The following WDPCP variants were observed in gnomAD, a reference collection of about 807,000 sequenced individuals.
WDPCP encodes the protein WD repeat-containing and planar cell polarity effector protein fritz homolog.
A neutral mutation model predicts 93.1 loss-of-function variants in WDPCP; 71 were observed. That is an observed-to-expected ratio of 0.76 (90% CI 0.63 to 0.93). The LOEUF (loss-of-function observed/expected upper bound fraction) is 0.93, where lower values mean the gene tolerates loss of function less well. WDPCP is among the 40% of genes least tolerant of loss of function. WDPCP has a pLI of 0.00. For synonymous variants in WDPCP, 315 were observed against 315.0 expected (o/e 1.00, Z 0.00); for missense variants, 844 against 887.4 (o/e 0.95, Z 0.62).
chr2:63,239,954 C>T (rs560152877), intron 14 of WDPCP, among the ~76,000 whole-genome samples: 21 of 152,080 alleles, frequency 1.4e-4, no homozygotes, highest in African/African-American at 5.1e-4. Flanking sequence ...ATGATTTTTT[C>T]ACAGAGTTAT....
chr2:63,125,900 C>G (rs192595775), intron 17 of WDPCP, among the ~76,000 whole-genome samples: 1 of 146,288 alleles, frequency 6.8e-6, no homozygotes, highest in Non-Finnish European at 1.5e-5. Flanking sequence ...CGTGAGCCAC[C>G]TCGCCAGGCT....
At chr2:63,332,346 A>G (rs1688039898) in intron 12 of WDPCP, among the ~76,000 whole-genome samples, 1 of 152,096 alleles carries the variant, frequency 6.6e-6, no homozygotes, top group African/African-American at 2.4e-5. Context: ...CATCTTATAT[A>G]TCCAAGAGCA....
intron 2 of WDPCP, among the ~76,000 whole-genome samples, chr2:63,722,074 C>G (rs1218808035): frequency 5.3e-5 from 8 of 151,118 alleles, no homozygotes; most frequent in African/African-American, 1.7e-4. Flanking sequence ...GATCTCGGCT[C>G]GCTACAACCT....
At chr2:63,825,818 A>G (rs985053219) in intron 1 of WDPCP, among the ~76,000 whole-genome samples, 4 of 152,106 alleles carry the variant, frequency 2.6e-5, no homozygotes, top group Admixed American at 1.3e-4. Context: ...AGCAAGGCAC[A>G]TGGCTACAAC....
intron 13 of WDPCP, among the ~76,000 whole-genome samples, chr2:63,282,032 T>C (rs1045744154): frequency 6.6e-6 from 1 of 151,182 alleles, no homozygotes; most frequent in Non-Finnish European, 1.5e-5. Context: ...TTCACTGCAA[T>C]CCTTATCAAA....
chr2:63,493,664 G>A (rs1042033407), intron 1 of WDPCP, among the ~76,000 whole-genome samples: 72 of 151,142 alleles, frequency 4.8e-4, no homozygotes, highest in African/African-American at 1.7e-3. Context: ...CTACCTCATC[G>A]ATTTAGACTG....
chr2:63,284,726 A>C (rs1683850805), intron 13 of WDPCP, among the ~76,000 whole-genome samples: 1 of 152,228 alleles, frequency 6.6e-6, no homozygotes, highest in African/African-American at 2.4e-5. Flanking sequence ...GCAGGACAAC[A>C]CAAGATTTCA....
chr2:63,781,532 C>A (rs1054922268), intron 2 of WDPCP, among the ~76,000 whole-genome samples: 1 of 152,176 alleles, frequency 6.6e-6, no homozygotes, highest in South Asian at 2.1e-4. Context: ...AGGCACTGTA[C>A]AGTCACTATG....
At chr2:63,195,639 ATATAT>A (rs1470106709) in intron 14 of WDPCP, among the ~76,000 whole-genome samples, 2 of 152,122 alleles carry the variant, frequency 1.3e-5, no homozygotes, top group African/African-American at 2.4e-5. Flanking sequence ...TTTTCAACAA[ATATAT>A]TAAAAAAAAG....
At chr2:63,784,291 C>G (rs922811828) in intron 2 of WDPCP, among the ~76,000 whole-genome samples, 3 of 152,042 alleles carry the variant, frequency 2.0e-5, no homozygotes, top group Admixed American at 2.0e-4. Context: ...GAAGGGCATT[C>G]AAAGGAAGAG....
At chr2:63,449,699 C>T (rs1698102786) in intron 6 of WDPCP, among the ~76,000 whole-genome samples, 1 of 152,110 alleles carries the variant, frequency 6.6e-6, no homozygotes, top group East Asian at 1.9e-4. Context: ...GGGCACTACA[C>T]CAGACAGAAA....
chr2:63,399,785 T>G (rs1694004258), intron 10 of WDPCP, among the ~76,000 whole-genome samples: 1 of 152,168 alleles, frequency 6.6e-6, no homozygotes, highest in African/African-American at 2.4e-5. Context: ...TATCTCGTAA[T>G]AAATGAGACT....
At chr2:63,622,490 G>C in intron 3 of WDPCP, 1 of 1,613,924 alleles carries the variant, frequency 6.2e-7, no homozygotes, top group Non-Finnish European at 8.5e-7. Context: ...AGTTCACACA[G>C]TAAACACATC....
At chr2:63,337,316 G>T (rs2104412072) in intron 12 of WDPCP, among the ~76,000 whole-genome samples, 1 of 52,824 alleles carries the variant, frequency 1.9e-5, no homozygotes, top group East Asian at 2.4e-3. Context: ...CAAGTGACAT[G>T]ATTTCATTTT....
At chr2:63,295,512 A>T (rs1684773227) in intron 13 of WDPCP, among the ~76,000 whole-genome samples, 1 of 148,508 alleles carries the variant, frequency 6.7e-6, no homozygotes, top group South Asian at 2.2e-4. Context: ...AAAAAGACAG[A>T]CTTTAAATTT....
intron 15 of WDPCP, among the ~76,000 whole-genome samples, chr2:63,165,201 A>G: frequency 6.6e-6 from 1 of 152,170 alleles, no homozygotes; most frequent in East Asian, 1.9e-4. Context: ...TTCTTACGTA[A>G]AGTGAGTGTC....
At chr2:63,576,484 A>G (rs1708124360) in intron 1 of WDPCP, among the ~76,000 whole-genome samples, 1 of 152,246 alleles carries the variant, frequency 6.6e-6, no homozygotes, top group Non-Finnish European at 1.5e-5. Flanking sequence ...AGGGGCACAG[A>G]GTGCCATGTC....
In WDPCP at chr2:63,664,515, C is replaced by T. The variant is rs572314408; in HGVS notation, n.309-13677G>A. On this transcript the variant is annotated intron_variant and non_coding_transcript_variant, in intron 2 of 4. Transcript: ENST00000467687. ...CATGAGGGACTCCTTCTTTCTGCACCGGCTCCCAATTCAGTCTATGGTGGG... is the reference window on the plus strand; with the variant it reads ...CATGAGGGACTCCTTCTTTCTGCACTGGCTCCCAATTCAGTCTATGGTGGG... 2.1e-4 allele frequency among the ~76,000 whole-genome samples: 32 copies of T among 152,276 alleles called. 1 individual carries two copies. The highest frequency in any genetic ancestry group is 1.3e-3 in the Admixed American group (20 of 15,308).
intron 17 of WDPCP, among the ~76,000 whole-genome samples, chr2:63,135,035 A>G (rs1042360230): frequency 6.6e-6 from 1 of 152,102 alleles, no homozygotes; most frequent in Non-Finnish European, 1.5e-5. Context: ...AGGTGGGAGG[A>G]TCACTTAAAG....
Sources: gnomAD v4.1 joint callset for allele counts (sites outside exome capture counted in the v4.1 genomes callset) on GRCh38, gnomAD v4.1.1 for gene constraint, MANE v1.5 for transcripts, NCBI Gene and HGNC (gene_info 2026-07-23, HGNC 2026-07-21) for gene names.